The following MAGI2 variants were observed in gnomAD, a reference collection of about 807,000 sequenced individuals.
MAGI2 encodes membrane-associated guanylate kinase, WW and PDZ domain-containing protein 2.
MAGI2 carries 35 observed loss-of-function variants against 133.3 expected under a neutral mutation model. The observed-to-expected ratio is 0.26, with a 90% confidence interval of 0.20 to 0.35. The LOEUF (loss-of-function observed/expected upper bound fraction) is 0.35. MAGI2 is among the 10% of genes least tolerant of loss of function. MAGI2 has a pLI of 1.00. For missense variants in MAGI2, 1,636 were observed against 1,863.4 expected, an observed-to-expected ratio of 0.88 and a Z score of 2.25; for synonymous variants, 729 against 710.6, an observed-to-expected ratio of 1.03 and a Z score of -0.41.
chr7:78,566,230 G>T (rs1256585026), intron 3 of MAGI2, among the ~76,000 whole-genome samples: 1 of 152,102 alleles, frequency 6.6e-6, no homozygotes, highest in Non-Finnish European at 1.5e-5. Context: ...TGGGAAGAGG[G>T]AAAGACCAAT....
At chr7:78,248,759 A>G (rs762550026) in intron 10 of MAGI2, among the ~76,000 whole-genome samples, 14 of 152,168 alleles carry the variant, frequency 9.2e-5, no homozygotes, top group African/African-American at 1.4e-4. Context: ...ATCCAAAACT[A>G]TAAAGGTACT....
intron 20 of MAGI2, among the ~76,000 whole-genome samples, chr7:78,085,893 G>T (rs1816585524): frequency 6.9e-6 from 1 of 144,660 alleles, no homozygotes; most frequent in African/African-American, 2.8e-5. Context: ...CCTTTGACTT[G>T]AGCACAGTAT....
intron 2 of MAGI2, among the ~76,000 whole-genome samples, chr7:78,988,274 T>C (rs1233511622): frequency 3.3e-5 from 5 of 152,076 alleles, no homozygotes; most frequent in Non-Finnish European, 5.9e-5. Flanking sequence ...ACATGATATA[T>C]GTTGAGGTCT....
At chr7:78,442,293 A>G (rs1288763534) in intron 6 of MAGI2, among the ~76,000 whole-genome samples, 1 of 152,152 alleles carries the variant, frequency 6.6e-6, no homozygotes, top group Non-Finnish European at 1.5e-5. Context: ...AAATCATTTG[A>G]TGATAGATTC....
At chr7:79,337,361 A>G (rs1840508416) in intron 1 of MAGI2, among the ~76,000 whole-genome samples, 1 of 152,276 alleles carries the variant, frequency 6.6e-6, no homozygotes, top group Admixed American at 6.5e-5. Flanking sequence ...AGCATGTGAG[A>G]CTCTGCTGCA....
chr7:79,105,609 C>A (rs964480899), intron 1 of MAGI2, among the ~76,000 whole-genome samples: 1 of 152,142 alleles, frequency 6.6e-6, no homozygotes, highest in African/African-American at 2.4e-5. Flanking sequence ...TGCCTCTGTC[C>A]TACCACCAGC....
At chr7:78,025,545 A>G (rs1455361005) in intron 21 of MAGI2, among the ~76,000 whole-genome samples, 2 of 152,232 alleles carry the variant, frequency 1.3e-5, no homozygotes, top group Non-Finnish European at 2.9e-5. Flanking sequence ...CATATATTCC[A>G]CAAATAGAAA....
At chr7:78,206,932 T>C (rs1787163465) in intron 10 of MAGI2, among the ~76,000 whole-genome samples, 1 of 152,238 alleles carries the variant, frequency 6.6e-6, no homozygotes, top group Non-Finnish European at 1.5e-5. Flanking sequence ...CTGTGTGTTC[T>C]GTTTTACATA....
rs375169496 is a variant in MAGI2 at position 78,971,729 on chromosome 7, G to A, written c.418+35361C>T. On this transcript the variant is annotated intron_variant, in intron 2 of 21. Transcript: ENST00000354212. ...GCCAAATTTTGGGGGATCAAATACTGACTTTGCTATTTACAAACTGTGTGA... is the reference window on the plus strand; with the variant it reads ...GCCAAATTTTGGGGGATCAAATACTAACTTTGCTATTTACAAACTGTGTGA... Among the ~76,000 whole-genome samples the A allele has an allele frequency of 5.9e-5, 9 of 152,022 alleles. 1 individual carries two copies. In the South Asian group the frequency reaches 1.9e-3, roughly 32 times the overall value.
chr7:79,367,605 C>A (rs1318492015), intron 1 of MAGI2, among the ~76,000 whole-genome samples: 1 of 151,828 alleles, frequency 6.6e-6, no homozygotes, highest in Non-Finnish European at 1.5e-5. Flanking sequence ...ACAGTAATGA[C>A]TTTATAGAGT....
At chr7:79,408,090 A>G (rs1161130728) in intron 1 of MAGI2, among the ~76,000 whole-genome samples, 2 of 152,266 alleles carry the variant, frequency 1.3e-5, no homozygotes, top group East Asian at 3.9e-4. Context: ...TTTAAATGCT[A>G]TAAATAGAAA....
At chr7:78,956,954 T>C (rs1008176714) in intron 2 of MAGI2, among the ~76,000 whole-genome samples, 1 of 152,052 alleles carries the variant, frequency 6.6e-6, no homozygotes, top group Non-Finnish European at 1.5e-5. Context: ...AAATGAAACA[T>C]TTTGATGGCT....
intron 9 of MAGI2, among the ~76,000 whole-genome samples, chr7:78,298,366 C>T (rs745630987): frequency 5.3e-5 from 8 of 151,974 alleles, no homozygotes; most frequent in East Asian, 3.9e-4. Flanking sequence ...AAAGTATAGA[C>T]GTTCGTTAGT....
intron 1 of MAGI2, among the ~76,000 whole-genome samples, chr7:79,265,274 T>G (rs890093496): frequency 3.9e-5 from 6 of 152,018 alleles, no homozygotes; most frequent in African/African-American, 1.2e-4. Flanking sequence ...AGTCCAACAA[T>G]CAGTTTTAAC....
At chr7:78,313,887 G>T (rs540746573) in intron 9 of MAGI2, among the ~76,000 whole-genome samples, 5 of 152,260 alleles carry the variant, frequency 3.3e-5, no homozygotes, top group Non-Finnish European at 7.4e-5. Flanking sequence ...ATTATAGGAA[G>T]AAAGTTTTGA....
intron 21 of MAGI2, among the ~76,000 whole-genome samples, chr7:78,061,126 T>C (rs1380619739): frequency 2.0e-5 from 3 of 146,826 alleles, no homozygotes; most frequent in Non-Finnish European, 4.5e-5. Flanking sequence ...ATTGTGCCAC[T>C]GCACTCCAGC....
At chr7:78,272,571 G>C (rs914365442) in intron 9 of MAGI2, among the ~76,000 whole-genome samples, 1 of 152,110 alleles carries the variant, frequency 6.6e-6, no homozygotes, top group African/African-American at 2.4e-5. Context: ...TTGTGTGAGA[G>C]TCTAAGTCTC....
At chr7:78,579,549 G>T (rs1802626123) in intron 3 of MAGI2, among the ~76,000 whole-genome samples, 1 of 152,138 alleles carries the variant, frequency 6.6e-6, no homozygotes, top group South Asian at 2.1e-4. Flanking sequence ...ACCTGGAGAT[G>T]GTACCAGAGG....
chr7:78,303,028 G>C (rs1448702933), intron 9 of MAGI2, among the ~76,000 whole-genome samples: 1 of 152,108 alleles, frequency 6.6e-6, no homozygotes, highest in Non-Finnish European at 1.5e-5. Flanking sequence ...AGATTTATTG[G>C]CAGAAGTGAT....
Sources: gnomAD v4.1 joint callset for allele counts (sites outside exome capture counted in the v4.1 genomes callset) on GRCh38, gnomAD v4.1.1 for gene constraint, MANE v1.5 for transcripts, NCBI Gene and HGNC (gene_info 2026-07-23, HGNC 2026-07-21) for gene names.